NRXN3: variants seen among roughly 807,000 people sequenced by gnomAD.
NRXN3 encodes neurexin 3.
Under a neutral mutation model 137.6 loss-of-function variants are expected in NRXN3, and 32 were observed. That is an observed-to-expected ratio of 0.23 (90% CI 0.18 to 0.31). The LOEUF (loss-of-function observed/expected upper bound fraction) is 0.31, where lower values mean the gene tolerates loss of function less well. Ranked by LOEUF, NRXN3 falls within the 10% of genes least tolerant of loss-of-function variation. The pLI is 1.00. For synonymous variants in NRXN3, 798 were observed against 784.5 expected, an observed-to-expected ratio of 1.02 and a Z score of -0.29; for missense variants, 1,574 against 2,062.5, an observed-to-expected ratio of 0.76 and a Z score of 4.59.
At chr14:79,425,202 G>T (rs2095637823) in intron 15 of NRXN3, among the ~76,000 whole-genome samples, 1 of 152,172 alleles carries the variant, frequency 6.6e-6, no homozygotes, top group Non-Finnish European at 1.5e-5. Context: ...AATGTAAGTA[G>T]TTATATATCG....
intron 16 of NRXN3, among the ~76,000 whole-genome samples, chr14:79,627,276 T>C (rs1162368775): frequency 6.6e-6 from 1 of 152,200 alleles, no homozygotes; most frequent in African/African-American, 2.4e-5. Context: ...TTATCAATAA[T>C]GAGTTGCCTA....
At chr14:79,565,761 A>T in intron 16 of NRXN3, among the ~76,000 whole-genome samples, 1 of 152,122 alleles carries the variant, frequency 6.6e-6, no homozygotes, top group Non-Finnish European at 1.5e-5. Flanking sequence ...AGCTAAGCAC[A>T]TTGACTGTTC....
intron 19 of NRXN3, among the ~76,000 whole-genome samples, chr14:79,729,271 A>C (rs1191602486): frequency 6.6e-6 from 1 of 152,170 alleles, no homozygotes; most frequent in Non-Finnish European, 1.5e-5. Context: ...TCTAGGGCTA[A>C]TGGGGATATT....
chr14:78,866,849 G>A (rs1017155892), intron 10 of NRXN3, among the ~76,000 whole-genome samples: 3 of 142,482 alleles, frequency 2.1e-5, no homozygotes, highest in Non-Finnish European at 4.5e-5. Flanking sequence ...CCAGGCTGGA[G>A]TACAGTGGCA....
chr14:78,228,572 G>A (rs1005852843), intron 1 of NRXN3, among the ~76,000 whole-genome samples: 3 of 152,156 alleles, frequency 2.0e-5, no homozygotes, highest in Non-Finnish European at 4.4e-5. Flanking sequence ...GGAGCCTATT[G>A]CATTTTATTC....
At chr14:78,938,023 A>T (rs924540084) in intron 10 of NRXN3, among the ~76,000 whole-genome samples, 3 of 152,266 alleles carry the variant, frequency 2.0e-5, no homozygotes, top group Admixed American at 2.0e-4. Flanking sequence ...GCATCCAGGT[A>T]GGCTGTTGGA....
chr14:79,003,680 G>A (rs2099546336), intron 15 of NRXN3, among the ~76,000 whole-genome samples: 1 of 152,150 alleles, frequency 6.6e-6, no homozygotes, highest in Non-Finnish European at 1.5e-5. Context: ...ATTATTGCCT[G>A]CCATGGGGAG....
At chr14:78,596,969 G>A (rs2097162358) in intron 4 of NRXN3, among the ~76,000 whole-genome samples, 1 of 152,236 alleles carries the variant, frequency 6.6e-6, no homozygotes, top group Non-Finnish European at 1.5e-5. Flanking sequence ...AACGTTCGTT[G>A]TTATTTGACA....
At chr14:78,925,102 G>A (rs568364835) in intron 10 of NRXN3, among the ~76,000 whole-genome samples, 6 of 152,256 alleles carry the variant, frequency 3.9e-5, no homozygotes, top group Admixed American at 1.3e-4. Flanking sequence ...TCATTTGAGC[G>A]TTCTGACAAG....
At chr14:78,379,942 A>G (rs773258024) in intron 4 of NRXN3, among the ~76,000 whole-genome samples, 4 of 152,218 alleles carry the variant, frequency 2.6e-5, no homozygotes, top group African/African-American at 4.8e-5. Flanking sequence ...TCTATGTATT[A>G]GTAGTGAACC....
Position 78,254,420 on chromosome 14 carries a change from C to T in NRXN3, c.709+10618C>T, listed in dbSNP as rs370225618. Among the ~76,000 whole-genome samples the T allele has an allele frequency of 6.6e-4, 100 of 152,288 alleles. 4 individuals are homozygous for T. In the South Asian group the frequency reaches 0.019, roughly 29 times the overall value. ...TGGGGGCTGGGGACGGTGGCTCATG[C>T]CTGTAATCCCAGCACTTTGGGAGGC... On this transcript the variant is annotated intron_variant, in intron 2 of 20. Coordinates refer to ENST00000335750, the MANE Select transcript of NRXN3 (RefSeq NM_001330195.2).
At chr14:78,579,234 T>G (rs1159913408) in intron 4 of NRXN3, among the ~76,000 whole-genome samples, 3 of 152,202 alleles carry the variant, frequency 2.0e-5, no homozygotes, top group Non-Finnish European at 4.4e-5. Context: ...TAAAAGTATC[T>G]TGGATATGCC....
rs750768620 is a variant in NRXN3, at chr14:78,967,311, C to T, written c.2881C>T (p.Arg961Trp). The change falls in exon 13 of 21, where the codon CGG becomes TGG. Residue 961 changes from arginine to tryptophan, a missense_variant. Transcript: ENST00000335750. The part of the protein sequence containing the change: ...DNQWHNVVIT[R>W]DNSNTHSLKV... ...CCAGTGGCACAATGTCGTCATCACT[C>T]GGGACAATAGTAACACTCATAGCCT... 3.1e-6 allele frequency: 5 copies of T among 1,613,794 alleles called. No individual in the cohort carries two copies. Among genetic ancestry groups the T allele is most frequent in the Non-Finnish European group, 4.2e-6 (5 of 1,179,914 alleles).
rs563468493 is a variant in NRXN3, at chr14:79,335,762, C to A, written c.3263-131459C>A. Among the ~76,000 whole-genome samples, 277 of 151,874 alleles carry A rather than the reference C, an allele frequency of 1.8e-3. 1 individual carries two copies. Among genetic ancestry groups the A allele is most frequent in the African/African-American group, 6.2e-3 (258 of 41,384 alleles). Reference sequence around the variant, plus strand: ...TATTTTCAAGTTTCTTTTATATAACCCCAGCTGCTCTTCTGCATTTAGTTA... The same window carrying A: ...TATTTTCAAGTTTCTTTTATATAACACCAGCTGCTCTTCTGCATTTAGTTA... On this transcript the variant is annotated intron_variant, in intron 15 of 20. Coordinates refer to ENST00000335750, the MANE Select transcript of NRXN3 (RefSeq NM_001330195.2).
At chr14:78,688,732 A>G (rs890573358) in intron 6 of NRXN3, among the ~76,000 whole-genome samples, 3 of 152,162 alleles carry the variant, frequency 2.0e-5, no homozygotes, top group South Asian at 2.1e-4. Context: ...GCATTCAGAT[A>G]TTAGTTGGAG....
intron 6 of NRXN3, among the ~76,000 whole-genome samples, chr14:78,661,757 A>G (rs2097843558): frequency 6.6e-6 from 1 of 152,192 alleles, no homozygotes; most frequent in Non-Finnish European, 1.5e-5. Flanking sequence ...AACATACCTA[A>G]CCTTCTGTTA....
chr14:78,241,513 G>C (rs2067079055), intron 1 of NRXN3, among the ~76,000 whole-genome samples: 1 of 152,082 alleles, frequency 6.6e-6, no homozygotes, highest in Non-Finnish European at 1.5e-5. Context: ...CCAGCTACTT[G>C]GGAGGCTGAG....
Position 78,836,203 on chromosome 14 carries a change from G to A in NRXN3, c.2275+25859G>A, listed in dbSNP as rs537318712. On this transcript the variant is annotated intron_variant, in intron 10 of 20. Coordinates refer to ENST00000335750, the MANE Select transcript of NRXN3 (RefSeq NM_001330195.2). ...CAGAACACAGAGACTTAGGAAACAG[G>A]CAAGACACAACATGAAAGCAAAAAA... Among the ~76,000 whole-genome samples the A allele has an allele frequency of 6.6e-5, 10 of 152,226 alleles. No homozygotes were observed. The East Asian group carries it at 1.7e-3, about 26-fold the overall frequency.
At chr14:79,603,540 C>G (rs536010157) in intron 16 of NRXN3, among the ~76,000 whole-genome samples, 1 of 152,296 alleles carries the variant, frequency 6.6e-6, no homozygotes, top group Admixed American at 6.5e-5. Context: ...TTCCTGCATT[C>G]TTTAATACCT....
Sources: allele counts gnomAD v4.1 joint callset (sites outside exome capture counted in the v4.1 genomes callset), GRCh38; gene constraint gnomAD v4.1.1; transcripts MANE v1.5; gene names NCBI Gene and HGNC (gene_info 2026-07-23, HGNC 2026-07-21).